The following NEDD4 variants were observed in gnomAD, a reference collection of about 807,000 sequenced individuals.
NEDD4 encodes NEDD4 E3 ubiquitin protein ligase, also known as E3 ubiquitin-protein ligase NEDD4.
In NEDD4, 99 loss-of-function variants were observed where a neutral mutation model predicts 144.9. That is an observed-to-expected ratio of 0.68 (90% confidence interval 0.58 to 0.81). The LOEUF is 0.81. Among genes scored for constraint, NEDD4 ranks in the 30% least tolerant of loss-of-function variants. The pLI is 0.00. For missense variants in NEDD4, 985 were observed against 1,065.9 expected, an observed-to-expected ratio of 0.92 and a Z score of 1.06; for synonymous variants, 318 against 350.6, an observed-to-expected ratio of 0.91 and a Z score of 1.04.
chr15:55,836,687 G>A (rs1229345517), intron 24 of NEDD4, among the ~76,000 whole-genome samples: 6 of 152,050 alleles, frequency 3.9e-5, no homozygotes, highest in East Asian at 1.9e-4. Flanking sequence ...CACCACGTCC[G>A]GCTAATTTTT....
rs1452547822 is a variant in NEDD4, at chr15:55,946,430, A to G, written c.237+4946T>C. Among the ~76,000 whole-genome samples the G allele has an allele frequency of 2.0e-5, 3 of 152,246 alleles. No individual in the cohort carries two copies. In the East Asian group the frequency reaches 5.8e-4, roughly 29 times the overall value. ...AAAGAAAGCCATTACATAATGGTAA[A>G]GGGATCAATTCAACAAGAAGAGCTA... On this transcript the variant is annotated intron_variant, in intron 4 of 28. Coordinates refer to ENST00000435532, the MANE Select transcript of NEDD4 (RefSeq NM_006154.4).
At chr15:55,986,580 CTTTTTTT>C (rs58470215) in intron 1 of NEDD4, among the ~76,000 whole-genome samples, 10 of 76,432 alleles carry the variant, frequency 1.3e-4, no homozygotes, top group African/African-American at 4.2e-4. Flanking sequence ...CCTGTCCTTG[CTTTTTTT>C]TTTTTTTTTT....
chr15:55,911,907 T>G (rs1401186467), intron 5 of NEDD4, among the ~76,000 whole-genome samples: 1 of 152,220 alleles, frequency 6.6e-6, no homozygotes, highest in Non-Finnish European at 1.5e-5. Flanking sequence ...TGTATTTTAC[T>G]CATCTTTTAT....
At position 55,951,580 on chromosome 15, in the gene NEDD4, G is replaced by T. The variant is rs779917841; in HGVS notation, c.129C>A (p.Tyr43Ter). 1.9e-5 allele frequency: 28 copies of T among 1,467,884 alleles called. No homozygotes were observed. Among genetic ancestry groups the T allele is most frequent in the Non-Finnish European group, 2.4e-5 (27 of 1,110,214 alleles). The allele number at this position is 1,467,884 out of a possible 1,614,324, so 90.9% of individuals were successfully genotyped here. The change falls in exon 3 of 29, where the codon TAC becomes TAA. Residue 43 changes from tyrosine to a stop codon, truncating the protein, a stop_gained. Coordinates refer to ENST00000435532, the MANE Select transcript of NEDD4 (RefSeq NM_006154.4). LOFTEE classifies it high-confidence loss of function. The part of the protein sequence containing the change: ...KKDILGASDP[Y>*]VRVTLYDPMN... ...TTGGGTCATATAACGTCACTCTCACGTAAGGATCACTGTTAAAAAAAAAAA... is the reference window on the plus strand; with the variant it reads ...TTGGGTCATATAACGTCACTCTCACTTAAGGATCACTGTTAAAAAAAAAAA...
intron 5 of NEDD4, among the ~76,000 whole-genome samples, chr15:55,897,679 C>T (rs1378466587): frequency 3.9e-5 from 6 of 152,192 alleles, no homozygotes; most frequent in Admixed American, 2.6e-4. Context: ...AAGGTTTGGG[C>T]TCCAGACTGG....
intron 5 of NEDD4, among the ~76,000 whole-genome samples, chr15:55,879,338 A>G (rs2142085033): frequency 6.6e-6 from 1 of 152,282 alleles, no homozygotes; most frequent in Middle Eastern, 3.4e-3. Context: ...AGACAAATAT[A>G]TACTTCCCAG....
intron 7 of NEDD4, among the ~76,000 whole-genome samples, chr15:55,870,475 G>A (rs1264268786): frequency 6.7e-6 from 1 of 150,300 alleles, no homozygotes; most frequent in Non-Finnish European, 1.5e-5. Context: ...TAAATCTTTT[G>A]AAAACCTGTC....
chr15:55,906,178 T>G (rs1231105233), intron 5 of NEDD4, among the ~76,000 whole-genome samples: 1 of 152,202 alleles, frequency 6.6e-6, no homozygotes, highest in African/African-American at 2.4e-5. Flanking sequence ...TTTTACACTG[T>G]TGGTGGGACT....
At chr15:55,832,577 G>A (rs1386359260) in intron 27 of NEDD4, among the ~76,000 whole-genome samples, 1 of 152,184 alleles carries the variant, frequency 6.6e-6, no homozygotes, top group South Asian at 2.1e-4. Flanking sequence ...ACCAAGCCCA[G>A]CTAATATTTG....
intron 5 of NEDD4, chr15:55,916,356 T>C: frequency 6.2e-7 from 1 of 1,614,010 alleles, no homozygotes; most frequent in Non-Finnish European, 8.5e-7. Flanking sequence ...GTAAGACCCA[T>C]TATCACTGGT....
intron 2 of NEDD4, among the ~76,000 whole-genome samples, chr15:55,962,726 G>A (rs1213990854): frequency 1.3e-5 from 2 of 152,038 alleles, no homozygotes; most frequent in Non-Finnish European, 2.9e-5. Context: ...TTACAAGGGT[G>A]AGCCACCGCA....
At chr15:55,842,665 A>G (rs1308464995) in intron 18 of NEDD4, among the ~76,000 whole-genome samples, 1 of 152,248 alleles carries the variant, frequency 6.6e-6, no homozygotes, top group East Asian at 1.9e-4. Context: ...GGCATAAGCC[A>G]TGGCACCCGG....
At chr15:55,837,696 A>C in intron 24 of NEDD4, 93 bp downstream of exon 24, 1 of 738,424 alleles carries the variant, frequency 1.4e-6, no homozygotes, top group Non-Finnish European at 2.2e-6. Flanking sequence ...CAAGCCATAT[A>C]CTTATTTTTC....
chr15:55,914,847 C>G (rs1284369468), intron 5 of NEDD4, among the ~76,000 whole-genome samples: 3 of 151,770 alleles, frequency 2.0e-5, no homozygotes, highest in Non-Finnish European at 4.4e-5. Flanking sequence ...AAATTTTACT[C>G]TATTTCATAA....
intron 5 of NEDD4, chr15:55,916,111 A>G: frequency 5.0e-6 from 8 of 1,613,962 alleles, no homozygotes; most frequent in South Asian, 2.2e-5. Flanking sequence ...CCATGTTCCA[A>G]GTCATCCTGG....
chr15:55,881,025 G>A (rs1041111702), intron 5 of NEDD4, among the ~76,000 whole-genome samples: 6 of 152,126 alleles, frequency 3.9e-5, no homozygotes, highest in Non-Finnish European at 8.8e-5. Flanking sequence ...TAACAAATTA[G>A]CTTAGTTTAA....
intron 1 of NEDD4, among the ~76,000 whole-genome samples, chr15:55,990,352 T>C (rs2037969627): frequency 6.6e-6 from 1 of 151,962 alleles, no homozygotes; most frequent in South Asian, 2.1e-4. Context: ...ATGGCAGAAC[T>C]GACCCATCCA....
chr15:55,957,770 T>C (rs200188204), intron 2 of NEDD4, among the ~76,000 whole-genome samples: 2 of 152,144 alleles, frequency 1.3e-5, no homozygotes, highest in African/African-American at 4.8e-5. Flanking sequence ...GGCACATATA[T>C]ACCATGGAAT....
At chr15:55,989,596 T>C (rs1001636692) in intron 1 of NEDD4, among the ~76,000 whole-genome samples, 8 of 152,244 alleles carry the variant, frequency 5.3e-5, no homozygotes, top group Non-Finnish European at 1.2e-4. Flanking sequence ...CATCTATTAT[T>C]CTGTATGTGC....
Sources: gnomAD v4.1 joint callset for allele counts (sites outside exome capture counted in the v4.1 genomes callset) on GRCh38, gnomAD v4.1.1 for gene constraint, MANE v1.5 for transcripts, NCBI Gene and HGNC (gene_info 2026-07-23, HGNC 2026-07-21) for gene names.